ABCB9: variants seen among roughly 807,000 people sequenced by gnomAD.
ABCB9 encodes the protein ATP binding cassette subfamily B member 9.
Under a neutral mutation model 62.0 loss-of-function variants are expected in ABCB9, and 36 were observed. The ratio of observed to expected loss-of-function variants is 0.58; its 90% CI spans 0.45 to 0.77. The LOEUF (loss-of-function observed/expected upper bound fraction) is 0.77, where lower values mean the gene tolerates loss of function less well. ABCB9 is among the 30% of genes least tolerant of loss of function. The pLI is 0.00. For synonymous variants in ABCB9, 435 were observed against 461.4 expected (o/e 0.94, Z 0.73); for missense variants, 943 against 1,054.7 (o/e 0.89, Z 1.47).
intron 11 of ABCB9, among the ~76,000 whole-genome samples, chr12:122,923,448 G>A (rs1031323813): frequency 3.3e-5 from 5 of 152,000 alleles, no homozygotes; most frequent in South Asian, 2.1e-4. Flanking sequence ...CACCACGCCC[G>A]GCTAATTTTT....
intron 6 of ABCB9, among the ~76,000 whole-genome samples, chr12:122,945,615 C>T (rs535567541): frequency 2.6e-5 from 4 of 152,266 alleles, no homozygotes; most frequent in African/African-American, 4.8e-5. Flanking sequence ...CGGTGGCTCA[C>T]GCCTGTAATC....
At chr12:122,972,667 C>A (rs960502220) in intron 1 of ABCB9, among the ~76,000 whole-genome samples, 3 of 152,056 alleles carry the variant, frequency 2.0e-5, no homozygotes, top group African/African-American at 7.2e-5. Flanking sequence ...TGTGCTACCA[C>A]GCCTGGATAA....
chr12:122,966,721 C>T (rs1377016394), upstream of ABCB9, among the ~76,000 whole-genome samples: 1 of 152,262 alleles, frequency 6.6e-6, no homozygotes, highest in Non-Finnish European at 1.5e-5. Context: ...GCCAACCAGG[C>T]CCTCCACACT....
chr12:122,960,759 T>C lies in ABCB9; in HGVS notation c.-87-437A>G, dbSNP rs993088774. The stretch of plus-strand genomic sequence containing the variant: ...CTGGGTGACAGAGCGAGACTCCATC[T>C]CAAAAAAAAAAAAAAAAGATAATAA... On this transcript the variant is annotated intron_variant, in intron 1 of 11. Transcript: ENST00000280560. Among the ~76,000 whole-genome samples, 53 of 130,802 alleles carry C rather than the reference T, an allele frequency of 4.1e-4. 2 individuals are homozygous for C. The allele number at this position is 130,802 out of a possible 152,430, so 85.8% of individuals were successfully genotyped here. A position where few individuals can be genotyped will look rare whatever the true frequency, so the allele number is the denominator to read the frequency against.
intron 2 of ABCB9, among the ~76,000 whole-genome samples, chr12:122,958,560 C>A (rs1054056154): frequency 1.1e-4 from 16 of 152,194 alleles, no homozygotes; most frequent in African/African-American, 3.9e-4. Flanking sequence ...GAAACACAGC[C>A]AGGCATTGTG....
intron 2 of ABCB9, among the ~76,000 whole-genome samples, chr12:122,955,080 T>C (rs2036553557): frequency 2.0e-5 from 3 of 152,146 alleles, no homozygotes; most frequent in East Asian, 1.9e-4. Context: ...CACAGGTACA[T>C]GGCATTGCAC....
intron 2 of ABCB9, among the ~76,000 whole-genome samples, chr12:122,956,283 T>C (rs1000377373): frequency 9.9e-5 from 15 of 152,190 alleles, no homozygotes; most frequent in African/African-American, 2.7e-4. Context: ...GGTACTACTA[T>C]GCCCATGTCA....
chr12:122,943,074 G>T (rs549967240), intron 7 of ABCB9, among the ~76,000 whole-genome samples: 1 of 152,082 alleles, frequency 6.6e-6, no homozygotes, highest in South Asian at 2.1e-4. Flanking sequence ...TTGTGGGAGC[G>T]AGGCAGACAA....
At chr12:122,943,696 C>T (rs1287604805) in intron 7 of ABCB9, among the ~76,000 whole-genome samples, 2 of 152,106 alleles carry the variant, frequency 1.3e-5, no homozygotes, top group Admixed American at 1.3e-4. Flanking sequence ...GTGGCGCGAT[C>T]TTGGCTCACT....
At chr12:122,960,467 T>G in intron 1 of ABCB9, 145 bp from the exon 2 acceptor site, 8 of 587,092 alleles carry the variant, frequency 1.4e-5, no homozygotes, top group Admixed American at 3.1e-5. Flanking sequence ...GGTACTAAGA[T>G]TCCACTCATT....
chr12:122,959,613 T>G lies in ABCB9; in HGVS notation c.601+22A>C. 1 of 1,520,188 alleles carries G rather than the reference T, an allele frequency of 6.6e-7. No individual in the cohort carries two copies. The highest frequency in any genetic ancestry group is 8.8e-7 in the Non-Finnish European group (1 of 1,133,854). 94.2% of individuals were successfully genotyped at this position (1,520,188 alleles called of 1,614,324 possible). ...CTAATTTGATGTTCTGGTGGCCACA[T>G]GTCCCCGAGGTCCTTACTTACCCAG... is the stretch of plus-strand genomic sequence containing the variant. On this transcript the variant is annotated intron_variant, in intron 2 of 11. Transcript: ENST00000280560. This position sits in a 1 kb window ranked among gnomAD's most constrained non-coding sequence, Gnocchi z 5.4.
chr12:122,923,747 G>C (rs2034816639), intron 11 of ABCB9, among the ~76,000 whole-genome samples: 1 of 152,098 alleles, frequency 6.6e-6, no homozygotes, highest in Non-Finnish European at 1.5e-5. Flanking sequence ...TTTTTCTGAG[G>C]AGAGTTCCTA....
downstream of ABCB9, among the ~76,000 whole-genome samples, chr12:122,920,426 C>T (rs1024130191): frequency 6.6e-5 from 10 of 151,236 alleles, no homozygotes; most frequent in Non-Finnish European, 1.5e-4. Context: ...AGCCTATAAA[C>T]CTGTCCCCAG....
chr12:122,934,325 A>AT (rs1302518166), intron 10 of ABCB9, among the ~76,000 whole-genome samples: 1 of 152,150 alleles, frequency 6.6e-6, no homozygotes, highest in Non-Finnish European at 1.5e-5. Context: ...TTATCTTTTG[A>AT]TCAACATCTC....
intron 1 of ABCB9, among the ~76,000 whole-genome samples, chr12:122,962,998 A>G (rs1203510007): frequency 2.0e-5 from 3 of 152,180 alleles, no homozygotes; most frequent in Non-Finnish European, 2.9e-5. Context: ...TTCAATATAG[A>G]AAATGCTACC....
intron 2 of ABCB9, among the ~76,000 whole-genome samples, chr12:122,955,229 T>C (rs550148747): frequency 6.6e-6 from 1 of 152,330 alleles, no homozygotes; most frequent in South Asian, 2.1e-4. Context: ...TGCCTAAAGT[T>C]ATCAGTGAAG....
At chr12:122,933,491 T>C (rs534524941) in intron 10 of ABCB9, among the ~76,000 whole-genome samples, 67 of 151,764 alleles carry the variant, frequency 4.4e-4, no homozygotes, top group Non-Finnish European at 1.0e-4. Flanking sequence ...GAGGAAGAGG[T>C]TGCCGTGAGC....
chr12:122,936,950 G>A (rs1029897577), intron 9 of ABCB9, among the ~76,000 whole-genome samples: 1 of 150,882 alleles, frequency 6.6e-6, no homozygotes, highest in Non-Finnish European at 1.5e-5. Flanking sequence ...TGCACCTATA[G>A]TCCCTCAGGA....
At chr12:122,941,966 G>A (rs1008208088) in intron 7 of ABCB9, among the ~76,000 whole-genome samples, 1 of 150,602 alleles carries the variant, frequency 6.6e-6, no homozygotes, top group Non-Finnish European at 1.5e-5. Flanking sequence ...TGAGCTCAAG[G>A]AATCCGCCTG....
Sources: allele counts gnomAD v4.1 joint callset (sites outside exome capture counted in the v4.1 genomes callset), GRCh38; gene constraint gnomAD v4.1.1; non-coding constraint Gnocchi (gnomAD v3.1); transcripts MANE v1.5; gene names NCBI Gene and HGNC (gene_info 2026-07-23, HGNC 2026-07-21).